FARS2: variants seen among roughly 807,000 people sequenced by gnomAD.
FARS2 encodes phenylalanine--tRNA ligase, mitochondrial.
Under a neutral mutation model 46.4 loss-of-function variants are expected in FARS2, and 40 were observed. That is an observed-to-expected ratio of 0.86 (90% CI 0.67 to 1.12). The LOEUF (loss-of-function observed/expected upper bound fraction) is 1.12. Among genes scored for constraint, FARS2 ranks in the 50% most tolerant of loss-of-function variants. The probability of loss-of-function intolerance (pLI) is 0.00; values close to 1 mark genes in which losing one functional copy is unlikely to be tolerated. For synonymous variants in FARS2, 234 were observed against 214.9 expected, an observed-to-expected ratio of 1.09 and a Z score of -0.78; for missense variants, 513 against 567.9, an observed-to-expected ratio of 0.90 and a Z score of 0.98.
intron 5 of FARS2, chr6:5,609,429 A>G (rs1775046420): frequency 1.6e-6 from 2 of 1,253,894 alleles, no homozygotes; most frequent in South Asian, 1.2e-5. Flanking sequence ...ACCACCTCCA[A>G]AATAGCTTCC....
intron 6 of FARS2, among the ~76,000 whole-genome samples, chr6:5,715,256 C>T (rs1006392393): frequency 6.6e-6 from 1 of 152,132 alleles, no homozygotes; most frequent in Non-Finnish European, 1.5e-5. Context: ...GATGATAGAG[C>T]CTACACATTT....
At chr6:5,563,240 C>T (rs536988784) in intron 5 of FARS2, among the ~76,000 whole-genome samples, 2 of 152,122 alleles carry the variant, frequency 1.3e-5, no homozygotes, top group Non-Finnish European at 2.9e-5. Context: ...CATGAAAATG[C>T]TGGCCCTCCC....
chr6:5,410,309 A>T (rs935442162), intron 3 of FARS2, among the ~76,000 whole-genome samples: 1 of 151,260 alleles, frequency 6.6e-6, no homozygotes. Flanking sequence ...GTGCGCCACC[A>T]CACCTGGCTA....
intron 4 of FARS2, among the ~76,000 whole-genome samples, chr6:5,534,532 T>C (rs910047993): frequency 2.0e-5 from 3 of 152,214 alleles, no homozygotes; most frequent in Non-Finnish European, 4.4e-5. Context: ...TTTGCCTGGC[T>C]TCTTTCACTT....
upstream of FARS2, chr6:5,260,728 T>A: frequency 1.3e-6 from 2 of 1,548,356 alleles, no homozygotes; most frequent in Non-Finnish European, 1.7e-6. Flanking sequence ...GACTGGAGGC[T>A]GCCATTTTGG....
Position 5,347,864 on chromosome 6 carries a change from T to G in FARS2, c.-21-20686T>G, listed in dbSNP as rs1049945989. 1.3e-5 allele frequency among the ~76,000 whole-genome samples: 2 copies of G among 152,184 alleles called. 1 individual carries two copies. Among genetic ancestry groups the G allele is most frequent in the South Asian group, 4.1e-4 (2 of 4,828 alleles). ...TCTACTGGAACAACAACAAGAACAA[T>G]AATAATAATGATGGTGATAACTAAT... On this transcript the variant is annotated intron_variant, in intron 1 of 6. Coordinates refer to ENST00000274680, the MANE Select transcript of FARS2 (RefSeq NM_006567.5).
At chr6:5,512,905 G>T (rs1365609677) in intron 4 of FARS2, among the ~76,000 whole-genome samples, 1 of 152,196 alleles carries the variant, frequency 6.6e-6, no homozygotes, top group Non-Finnish European at 1.5e-5. Flanking sequence ...GAATATGGGA[G>T]TGAGGGAAAA....
intron 1 of FARS2, among the ~76,000 whole-genome samples, chr6:5,296,660 G>A (rs1439446546): frequency 6.6e-6 from 1 of 152,154 alleles, no homozygotes; most frequent in Non-Finnish European, 1.5e-5. Context: ...CTTCGTATGA[G>A]TGGAATCATA....
intron 5 of FARS2, among the ~76,000 whole-genome samples, chr6:5,592,721 C>T (rs1187174924): frequency 1.3e-5 from 2 of 152,222 alleles, no homozygotes; most frequent in East Asian, 1.9e-4. Flanking sequence ...AGGCAGCAGA[C>T]GCCGTCTCTG....
chr6:5,674,256 G>A (rs1395381695), intron 6 of FARS2, among the ~76,000 whole-genome samples: 1 of 142,980 alleles, frequency 7.0e-6, no homozygotes, highest in Non-Finnish European at 1.5e-5. Flanking sequence ...ACATATCAGA[G>A]AAATTGCCAC....
chr6:5,723,394 C>T (rs1369438995), intron 6 of FARS2, among the ~76,000 whole-genome samples: 2 of 152,178 alleles, frequency 1.3e-5, no homozygotes, highest in Admixed American at 1.3e-4. Flanking sequence ...GGATTCAAAA[C>T]TCGGCTTTGT....
intron 5 of FARS2, among the ~76,000 whole-genome samples, chr6:5,590,478 G>C (rs1180494063): frequency 1.3e-5 from 2 of 152,222 alleles, no homozygotes; most frequent in Non-Finnish European, 2.9e-5. Context: ...GTCTAGCACA[G>C]AGGTGTTCGT....
At chr6:5,558,638 G>A (rs1771808923) in intron 5 of FARS2, among the ~76,000 whole-genome samples, 1 of 151,994 alleles carries the variant, frequency 6.6e-6, no homozygotes, top group Admixed American at 6.5e-5. Flanking sequence ...GCGGGTTCAT[G>A]CCATTCTCCT....
chr6:5,705,426 G>C (rs2150891520), intron 6 of FARS2, among the ~76,000 whole-genome samples: 1 of 152,280 alleles, frequency 6.6e-6, no homozygotes, highest in South Asian at 2.1e-4. Flanking sequence ...TGAAGCCACA[G>C]ATCATGGCGC....
At chr6:5,503,159 G>A (rs927798562) in intron 4 of FARS2, among the ~76,000 whole-genome samples, 1 of 151,180 alleles carries the variant, frequency 6.6e-6, no homozygotes, top group African/African-American at 2.4e-5. Context: ...AGATACATGT[G>A]TATATAATTC....
chr6:5,370,353 CG>C (rs1561991726), intron 2 of FARS2, among the ~76,000 whole-genome samples: 5 of 151,766 alleles, frequency 3.3e-5, no homozygotes, highest in Admixed American at 3.3e-4. Context: ...TGCTGGATCT[CG>C]GGGGATCTCA....
At chr6:5,540,993 G>A (rs1242491941) in intron 4 of FARS2, among the ~76,000 whole-genome samples, 1 of 152,110 alleles carries the variant, frequency 6.6e-6, no homozygotes, top group African/African-American at 2.4e-5. Flanking sequence ...GTTGTTAGGG[G>A]TTATATTTTC....
At chr6:5,371,154 G>A in intron 2 of FARS2, 1 of 982,974 alleles carries the variant, frequency 1.0e-6, no homozygotes, top group Non-Finnish European at 1.2e-6. Flanking sequence ...ACCCAAAGGG[G>A]AGTTTTGGTT....
At chr6:5,258,386 G>T (rs774638904), upstream of FARS2, among the ~76,000 whole-genome samples, 1 of 152,220 alleles carries the variant, frequency 6.6e-6, no homozygotes, top group African/African-American at 2.4e-5. Flanking sequence ...CTGTGCCTCA[G>T]TTGCCTTACA....
Sources: allele counts gnomAD v4.1 joint callset (sites outside exome capture counted in the v4.1 genomes callset), GRCh38; gene constraint gnomAD v4.1.1; transcripts MANE v1.5; gene names NCBI Gene and HGNC (gene_info 2026-07-23, HGNC 2026-07-21).